Variants in CACNA1E observed in about 807,000 individuals in gnomAD.
CACNA1E encodes the protein calcium voltage-gated channel subunit alpha1 E.
A neutral mutation model predicts 259.2 loss-of-function variants in CACNA1E; 40 were observed. The observed-to-expected ratio is 0.15, with a 90% CI of 0.12 to 0.20. The LOEUF is 0.20. Ranked by LOEUF, CACNA1E falls within the 10% of genes least tolerant of loss-of-function variation. The probability of loss-of-function intolerance (pLI) is 1.00; values close to 1 mark genes in which losing one functional copy is unlikely to be tolerated. For synonymous variants in CACNA1E, 1,104 were observed against 1,138.5 expected (o/e 0.97, Z 0.61); for missense variants, 1,874 against 3,040.1 (o/e 0.62, Z 9.02).
chr1:181,397,645 G>A (rs1263901663), intron 1 of CACNA1E, among the ~76,000 whole-genome samples: 3 of 152,256 alleles, frequency 2.0e-5, no homozygotes, highest in Admixed American at 2.0e-4. Flanking sequence ...AAGACTCCAG[G>A]AAAAAGGAGG....
intron 2 of CACNA1E, among the ~76,000 whole-genome samples, chr1:181,417,888 A>G (rs898835637): frequency 4.6e-5 from 7 of 152,146 alleles, no homozygotes; most frequent in African/African-American, 1.7e-4. Context: ...GTTACTGTGG[A>G]CTGACCACCC....
chr1:181,449,380 C>A (rs144153284), intron 2 of CACNA1E, among the ~76,000 whole-genome samples: 5 of 152,160 alleles, frequency 3.3e-5, no homozygotes, highest in Non-Finnish European at 7.4e-5. Context: ...ATAATGTGAT[C>A]GGCTTATGTC....
chr1:181,365,790 A>G (rs1276098311), intron 1 of CACNA1E, among the ~76,000 whole-genome samples: 1 of 152,204 alleles, frequency 6.6e-6, no homozygotes, highest in African/African-American at 2.4e-5. Context: ...TTTAGCAGGA[A>G]ATGGCACCTA....
At chr1:181,373,537 CTTTTT>C (rs5779097) in intron 1 of CACNA1E, among the ~76,000 whole-genome samples, 9 of 120,920 alleles carry the variant, frequency 7.4e-5, no homozygotes, top group African/African-American at 2.5e-4. Flanking sequence ...TCTTTTCTTT[CTTTTT>C]TTTTTTTTTT....
At chr1:181,651,668 A>G (rs1658769826) in intron 7 of CACNA1E, 2 of 446,016 alleles carry the variant, frequency 4.5e-6, no homozygotes. Flanking sequence ...GTCAGGCACA[A>G]CACTGAACAC....
intron 6 of CACNA1E, among the ~76,000 whole-genome samples, chr1:181,608,147 G>T (rs1572364154): frequency 6.6e-6 from 1 of 152,318 alleles, no homozygotes; most frequent in Non-Finnish European, 1.5e-5. Flanking sequence ...GGGCTAGGGA[G>T]CTGGGTGATG....
chr1:181,432,969 T>C (rs675035), intron 2 of CACNA1E, among the ~76,000 whole-genome samples: 9,368 of 152,194 alleles, frequency 0.062, 469 homozygotes, highest in African/African-American at 0.13. Flanking sequence ...GAGAAAGTAT[T>C]TTACATTTTT....
At chr1:181,398,015 C>G (rs1056932393) in intron 1 of CACNA1E, among the ~76,000 whole-genome samples, 1 of 152,220 alleles carries the variant, frequency 6.6e-6, no homozygotes, top group Non-Finnish European at 1.5e-5. Context: ...CAAATGTCAC[C>G]TTATTAAGCT....
chr1:181,637,847 A>G, intron 6 of CACNA1E, among the ~76,000 whole-genome samples: 1 of 152,142 alleles, frequency 6.6e-6, no homozygotes, highest in East Asian at 1.9e-4. Flanking sequence ...TTCAGGTGGA[A>G]AAGGTAGGAA....
At chr1:181,755,169 C>A in intron 27 of CACNA1E, 68 bp from the exon 28 acceptor site, 1 of 1,364,572 alleles carries the variant, frequency 7.3e-7, no homozygotes, top group Non-Finnish European at 1.0e-6. Context: ...TATGGCCCAG[C>A]TCGGCTCTAG....
chr1:181,521,199 G>A (rs1343346333), intron 3 of CACNA1E, among the ~76,000 whole-genome samples: 2 of 152,182 alleles, frequency 1.3e-5, no homozygotes, highest in East Asian at 3.8e-4. Flanking sequence ...AAGGGTGGCT[G>A]CTTCACATGT....
chr1:181,477,589 T>TC (rs200637214), intron 2 of CACNA1E, among the ~76,000 whole-genome samples: 118 of 152,306 alleles, frequency 7.7e-4, no homozygotes, highest in African/African-American at 2.8e-3. Flanking sequence ...TATTTTTTTT[T>TC]CCTTTTTTCC....
Position 181,654,065 on chromosome 1 carries a change from G to T in CACNA1E, c.1055+2624G>T, listed in dbSNP as rs1287233494. Among the ~76,000 whole-genome samples the T allele has an allele frequency of 2.6e-5, 4 of 151,984 alleles. No individual in the cohort carries two copies. In the East Asian group the frequency reaches 7.7e-4, roughly 29 times the overall value. On this transcript the variant is annotated intron_variant, in intron 7 of 47. Coordinates refer to ENST00000367573, the MANE Select transcript of CACNA1E (RefSeq NM_001205293.3). ...AGGTAATTGAGGGAATATGAACAAT[G>T]CAGGGAGTAGAAGACAAATTTAAAA...
At chr1:181,379,836 G>C (rs1006023723) in intron 1 of CACNA1E, among the ~76,000 whole-genome samples, 1 of 151,830 alleles carries the variant, frequency 6.6e-6, no homozygotes, top group Non-Finnish European at 1.5e-5. Flanking sequence ...CTTAAAAGCC[G>C]CCAGAGAAAA....
chr1:181,430,612 G>GGCT lies in CACNA1E; in HGVS notation c.434+17036_434+17038dup, dbSNP rs1659650027. On this transcript the variant is annotated intron_variant, in intron 2 of 11. Transcript: ENST00000524607. ...GCCCACTGATTACACCAAGAACAAAGGCTGCTATGTTGGGCCTTACTTGCT... is the reference window on the plus strand; with the variant it reads ...GCCCACTGATTACACCAAGAACAAAGGCTGCTGCTATGTTGGGCCTTACTTGCT... Among the ~76,000 whole-genome samples, 3 of 152,298 alleles carry GGCT rather than the reference G, an allele frequency of 2.0e-5. No homozygotes were observed. In the South Asian group the frequency reaches 6.2e-4, roughly 32 times the overall value.
intron 7 of CACNA1E, among the ~76,000 whole-genome samples, chr1:181,655,863 A>G (rs1467104804): frequency 1.3e-5 from 2 of 152,228 alleles, no homozygotes; most frequent in Non-Finnish European, 2.9e-5. Flanking sequence ...TGCCAAAACT[A>G]TATACAGTCA....
intron 8 of CACNA1E, among the ~76,000 whole-genome samples, chr1:181,713,073 A>C (rs1653544190): frequency 6.6e-6 from 1 of 152,082 alleles, no homozygotes; most frequent in Non-Finnish European, 1.5e-5. Flanking sequence ...GATGGGTTAC[A>C]TTTCCCTGGA....
At chr1:181,797,522 C>G (rs929446279) in intron 47 of CACNA1E, among the ~76,000 whole-genome samples, 6 of 152,180 alleles carry the variant, frequency 3.9e-5, no homozygotes, top group African/African-American at 1.4e-4. Context: ...GGTTTCCCTT[C>G]TAGAACAACA....
chr1:181,603,030 A>G (rs4652670), intron 6 of CACNA1E, among the ~76,000 whole-genome samples: 151,716 of 152,256 alleles, frequency 1, 75,591 homozygotes, highest in Middle Eastern at 1. Context: ...AGGTGCCGTA[A>G]GAAGCCTTAA....
Sources: gnomAD v4.1 joint callset for allele counts (sites outside exome capture counted in the v4.1 genomes callset) on GRCh38, gnomAD v4.1.1 for gene constraint, MANE v1.5 for transcripts, NCBI Gene and HGNC (gene_info 2026-07-23, HGNC 2026-07-21) for gene names.